Variants in ATP2B2 observed in about 807,000 individuals in gnomAD.
ATP2B2 encodes the protein plasma membrane calcium-transporting ATPase 2.
A neutral mutation model predicts 120.0 loss-of-function variants in ATP2B2; 15 were observed. The ratio of observed to expected loss-of-function variants is 0.12; its 90% confidence interval spans 0.08 to 0.19. The LOEUF is 0.19. Ranked by LOEUF, ATP2B2 falls within the 10% of genes least tolerant of loss-of-function variation. ATP2B2 has a pLI of 1.00. For missense variants in ATP2B2, 1,045 were observed against 1,719.8 expected (o/e 0.61, Z 6.94); for synonymous variants, 694 against 700.3 (o/e 0.99, Z 0.14).
intron 1 of ATP2B2, among the ~76,000 whole-genome samples, chr3:10,644,709 G>A (rs991424173): frequency 6.6e-6 from 1 of 152,228 alleles, no homozygotes; most frequent in Non-Finnish European, 1.5e-5. Context: ...CGCAGAGACA[G>A]AATGAGGATT....
At chr3:10,595,990 G>A (rs1243107929) in intron 2 of ATP2B2, among the ~76,000 whole-genome samples, 1 of 151,992 alleles carries the variant, frequency 6.6e-6, no homozygotes, top group Non-Finnish European at 1.5e-5. Flanking sequence ...TCACTGACTG[G>A]GTCCTCTGCC....
intron 3 of ATP2B2, among the ~76,000 whole-genome samples, chr3:10,532,817 G>A (rs2067237785): frequency 6.6e-6 from 1 of 152,150 alleles, no homozygotes; most frequent in Admixed American, 6.5e-5. Context: ...TGAGTCTGTG[G>A]TTACTCATCT....
intron 2 of ATP2B2, among the ~76,000 whole-genome samples, chr3:10,553,870 A>G (rs2067722537): frequency 6.6e-6 from 1 of 152,018 alleles, no homozygotes; most frequent in Non-Finnish European, 1.5e-5. Flanking sequence ...TGAGGGGGCC[A>G]TTGTTTAGCA....
intron 22 of ATP2B2, chr3:10,332,079 TC>T (rs1472041404): frequency 6.6e-7 from 1 of 1,526,548 alleles, no homozygotes; most frequent in African/African-American, 1.4e-5. Flanking sequence ...AGTGGAGAGG[TC>T]TAGGGTTCCC....
At chr3:10,481,980 T>C (rs1486190654) in intron 1 of ATP2B2, among the ~76,000 whole-genome samples, 1 of 152,236 alleles carries the variant, frequency 6.6e-6, no homozygotes, top group Non-Finnish European at 1.5e-5. Flanking sequence ...CCAACTGTCC[T>C]GGTTTGCCTC....
intron 2 of ATP2B2, chr3:10,566,287 T>A (rs1489827328): frequency 6.6e-6 from 1 of 152,256 alleles, no homozygotes; most frequent in Non-Finnish European, 1.5e-5. Flanking sequence ...ATATGCAAGG[T>A]CCTAGCTAAT....
chr3:10,594,787 T>G (rs1328675059), intron 2 of ATP2B2, among the ~76,000 whole-genome samples: 18 of 152,116 alleles, frequency 1.2e-4, no homozygotes, highest in Non-Finnish European at 2.6e-4. Flanking sequence ...GTCTGGCATT[T>G]TATTAGATTA....
At chr3:10,366,802 A>G (rs2061073169) in intron 12 of ATP2B2, among the ~76,000 whole-genome samples, 1 of 152,242 alleles carries the variant, frequency 6.6e-6, no homozygotes, top group Non-Finnish European at 1.5e-5. Flanking sequence ...GGAAGTCTTG[A>G]CGTACAAAGC....
At chr3:10,620,298 C>T (rs1017685590) in intron 1 of ATP2B2, among the ~76,000 whole-genome samples, 5 of 152,142 alleles carry the variant, frequency 3.3e-5, no homozygotes, top group African/African-American at 1.2e-4. Context: ...GACATACAAA[C>T]TGGGAACTCT....
chr3:10,373,786 C>T (rs1347347674), intron 11 of ATP2B2, among the ~76,000 whole-genome samples: 1 of 152,112 alleles, frequency 6.6e-6, no homozygotes, highest in Non-Finnish European at 1.5e-5. Flanking sequence ...TTTGCCCAAG[C>T]TGATCTTGAA....
chr3:10,527,507 G>A (rs921483717), intron 3 of ATP2B2, among the ~76,000 whole-genome samples: 7 of 152,190 alleles, frequency 4.6e-5, no homozygotes, highest in African/African-American at 1.7e-4. Context: ...GCCAGAGACA[G>A]TCCCTCCTGG....
At chr3:10,595,777 G>T (rs1023065433) in intron 2 of ATP2B2, among the ~76,000 whole-genome samples, 1 of 152,128 alleles carries the variant, frequency 6.6e-6, no homozygotes, top group Non-Finnish European at 1.5e-5. Flanking sequence ...AACATCATTT[G>T]TTAATCGACA....
At chr3:10,649,521 T>C (rs1197784643) in intron 1 of ATP2B2, among the ~76,000 whole-genome samples, 1 of 152,178 alleles carries the variant, frequency 6.6e-6, no homozygotes, top group Non-Finnish European at 1.5e-5. Context: ...GCATATGCTG[T>C]TCCCTCAGAT....
At chr3:10,628,544 C>G (rs116526166) in intron 1 of ATP2B2, among the ~76,000 whole-genome samples, 1 of 152,244 alleles carries the variant, frequency 6.6e-6, no homozygotes, top group Non-Finnish European at 1.5e-5. Flanking sequence ...CAGGCCTCAA[C>G]GCAGGACATG....
intron 1 of ATP2B2, among the ~76,000 whole-genome samples, chr3:10,654,051 G>T (rs2070540801): frequency 6.6e-6 from 1 of 152,156 alleles, no homozygotes; most frequent in Non-Finnish European, 1.5e-5. Context: ...TCCTGGAAAT[G>T]AGTTAGGCAT....
At chr3:10,405,018 C>T (rs2062362144) in intron 3 of ATP2B2, among the ~76,000 whole-genome samples, 2 of 152,176 alleles carry the variant, frequency 1.3e-5, no homozygotes, top group African/African-American at 4.8e-5. Flanking sequence ...AGAGCAATGA[C>T]AAGCTTTCGG....
At chr3:10,591,932 G>A (rs1342861524) in intron 2 of ATP2B2, among the ~76,000 whole-genome samples, 1 of 152,156 alleles carries the variant, frequency 6.6e-6, no homozygotes, top group African/African-American at 2.4e-5. Context: ...CAAAGGTAAG[G>A]GGCATCTAGA....
At chr3:10,499,742 C>T (rs1299368657) in intron 1 of ATP2B2, among the ~76,000 whole-genome samples, 7 of 152,004 alleles carry the variant, frequency 4.6e-5, no homozygotes, top group African/African-American at 1.7e-4. Context: ...TGCCCAGGAG[C>T]CCCTGCAGAC....
rs370737609 is a variant in ATP2B2 at position 10,391,612 on chromosome 3, C to G, written c.782-3210G>C. ...GGAGGACGTCAGGGAGGGGCTTAGG[C>G]ATAGTGCGCTCCCCGCCCAGACCTG... On this transcript the variant is annotated intron_variant, in intron 5 of 22. Transcript: ENST00000360273. Among the ~76,000 whole-genome samples, 17 of 152,290 alleles carry G rather than the reference C, an allele frequency of 1.1e-4. No homozygotes were observed. The East Asian group carries it at 3.3e-3, about 29-fold the overall frequency.
Sources: allele counts gnomAD v4.1 joint callset (sites outside exome capture counted in the v4.1 genomes callset), GRCh38; gene constraint gnomAD v4.1.1; transcripts MANE v1.5; gene names NCBI Gene and HGNC (gene_info 2026-07-23, HGNC 2026-07-21).